The following TRANK1 variants were observed in gnomAD, a reference collection of about 807,000 sequenced individuals.
TRANK1 encodes the protein tetratricopeptide repeat and ankyrin repeat containing 1.
TRANK1 carries 198 observed loss-of-function variants against 266.0 expected under a neutral mutation model. The ratio of observed to expected loss-of-function variants is 0.74; its 90% CI spans 0.66 to 0.84. TRANK1 has a LOEUF of 0.84. Ranked by LOEUF, TRANK1 falls within the 40% of genes least tolerant of loss-of-function variation. The probability of loss-of-function intolerance (pLI) is 0.00; values close to 1 mark genes in which losing one functional copy is unlikely to be tolerated. For synonymous variants in TRANK1, 1,396 were observed against 1,384.1 expected, an observed-to-expected ratio of 1.01 and a Z score of -0.19; for missense variants, 3,326 against 3,634.6, an observed-to-expected ratio of 0.92 and a Z score of 2.18.
chr3:36,922,813 C>T (rs80220453), intron 1 of TRANK1, among the ~76,000 whole-genome samples: 1 of 151,920 alleles, frequency 6.6e-6, no homozygotes, highest in Non-Finnish European at 1.5e-5. Flanking sequence ...TTTAATTCCT[C>T]AATTCCTCAG....
intron 1 of TRANK1, among the ~76,000 whole-genome samples, chr3:36,913,852 GC>G (rs1449472513): frequency 3.3e-5 from 5 of 151,114 alleles, no homozygotes; most frequent in Admixed American, 2.0e-4. Context: ...CCCGACCAAA[GC>G]CCAGTAAAGT....
rs566816411 is a variant in TRANK1, at chr3:36,911,458, C to T, written c.24-3004G>A. 2.0e-5 allele frequency among the ~76,000 whole-genome samples: 3 copies of T among 151,440 alleles called. No homozygotes were observed. In the South Asian group the frequency reaches 6.3e-4, roughly 32 times the overall value. The stretch of plus-strand genomic sequence containing the variant: ...ACACAAGGTATTTCCATTGTATTTA[C>T]AAATACAAAAAAAAAACTCTTCATT... On this transcript the variant is annotated intron_variant, in intron 1 of 23. Coordinates refer to ENST00000645898, the MANE Select transcript of TRANK1 (RefSeq NM_001329998.2).
chr3:36,837,365 C>G (rs1177239352), intron 20 of TRANK1, among the ~76,000 whole-genome samples: 1 of 152,172 alleles, frequency 6.6e-6, no homozygotes, highest in Non-Finnish European at 1.5e-5. Context: ...TCCTCTTCTT[C>G]GCATTGACTT....
chr3:36,866,465 A>G (rs2079229466), intron 9 of TRANK1, among the ~76,000 whole-genome samples: 1 of 152,230 alleles, frequency 6.6e-6, no homozygotes, highest in Non-Finnish European at 1.5e-5. Context: ...GAGTGGGGGA[A>G]GCAGAGTAAG....
chr3:36,892,941 T>C lies in TRANK1; in HGVS notation c.596A>G (p.Asn199Ser), dbSNP rs1173452443. Residue 199 changes from asparagine to serine, a missense_variant, in exon 6 of 24, where the codon AAT (asparagine) becomes AGT (serine). Physicochemically the swap from Asn to Ser is conservative, Grantham distance 46. Coordinates refer to ENST00000645898, the MANE Select transcript of TRANK1 (RefSeq NM_001329998.2). Reference sequence around the variant, plus strand: ...CAGTGATAACTCTGGGACATGAATATTTCTTGGTAATCGGTCTTTTTTTGC... The same window carrying C: ...CAGTGATAACTCTGGGACATGAATACTTCTTGGTAATCGGTCTTTTTTTGC... ...LSAKKDRLPR[N>S]IHVPELSLKS... 1 of 1,515,152 alleles carries C rather than the reference T, an allele frequency of 6.6e-7. No individual in the cohort carries two copies. 93.9% of individuals were successfully genotyped at this position (1,515,152 alleles called of 1,614,324 possible).
chr3:36,829,326 C>T (rs2078665512), intron 23 of TRANK1, among the ~76,000 whole-genome samples: 1 of 152,196 alleles, frequency 6.6e-6, no homozygotes, highest in Non-Finnish European at 1.5e-5. Flanking sequence ...AGCTCATGAG[C>T]AGCAAGAGGT....
intron 1 of TRANK1, among the ~76,000 whole-genome samples, chr3:36,913,456 C>G (rs1441103991): frequency 7.4e-6 from 1 of 135,524 alleles, no homozygotes; most frequent in East Asian, 2.1e-4. Context: ...TGCTTTGTTT[C>G]TCTCCTCTCC....
intron 1 of TRANK1, among the ~76,000 whole-genome samples, chr3:36,911,141 A>G (rs1163784650): frequency 1.3e-5 from 2 of 152,212 alleles, no homozygotes; most frequent in East Asian, 1.9e-4. Context: ...ATACAGGCCT[A>G]TACGGTTGAA....
intron 1 of TRANK1, among the ~76,000 whole-genome samples, chr3:36,934,335 G>A (rs942695534): frequency 2.6e-5 from 4 of 152,186 alleles, no homozygotes; most frequent in Non-Finnish European, 5.9e-5. Flanking sequence ...GGCAGAAAGC[G>A]GGGCTCCTAC....
chr3:36,927,220 C>T (rs1051245694), intron 1 of TRANK1, among the ~76,000 whole-genome samples: 2 of 152,160 alleles, frequency 1.3e-5, no homozygotes, highest in Non-Finnish European at 2.9e-5. Context: ...GCCAACTCTA[C>T]GTCCCTGGTC....
At chr3:36,904,176 G>A (rs1045041583) in intron 2 of TRANK1, among the ~76,000 whole-genome samples, 4 of 151,670 alleles carry the variant, frequency 2.6e-5, no homozygotes, top group Admixed American at 6.6e-5. Context: ...GGATGGTCTC[G>A]AATTCCTGAC....
At chr3:36,923,795 A>C (rs2080251089) in intron 1 of TRANK1, among the ~76,000 whole-genome samples, 1 of 152,036 alleles carries the variant, frequency 6.6e-6, no homozygotes, top group Non-Finnish European at 1.5e-5. Context: ...GTGTGGAAGC[A>C]TCTGACGGCC....
chr3:36,905,422 G>C (rs777004062), intron 2 of TRANK1, among the ~76,000 whole-genome samples: 8 of 152,128 alleles, frequency 5.3e-5, no homozygotes, highest in Non-Finnish European at 1.2e-4. Context: ...GGAATAAGAA[G>C]AGACGCTGGA....
At chr3:36,838,793 T>C (rs2078805005) in intron 18 of TRANK1, 77 bp from the exon 19 acceptor site, 1 of 1,421,702 alleles carries the variant, frequency 7.0e-7, no homozygotes, top group Admixed American at 2.0e-5. Flanking sequence ...GCATGCATTA[T>C]AAGTTTGTAC....
intron 9 of TRANK1, among the ~76,000 whole-genome samples, chr3:36,870,271 G>A (rs924864961): frequency 1.3e-5 from 2 of 152,206 alleles, no homozygotes; most frequent in African/African-American, 4.8e-5. Context: ...GCCGGGCATG[G>A]TGATGCATGC....
At chr3:36,830,293 C>T (rs1367822946) in intron 22 of TRANK1, among the ~76,000 whole-genome samples, 4 of 150,306 alleles carry the variant, frequency 2.7e-5, no homozygotes, top group African/African-American at 9.8e-5. Context: ...CCAGCCTGGG[C>T]GACACAGTGA....
intron 21 of TRANK1, among the ~76,000 whole-genome samples, 171 bp from the exon 22 acceptor site, chr3:36,834,090 C>G (rs1279923545): frequency 6.6e-6 from 1 of 152,222 alleles, no homozygotes; most frequent in Non-Finnish European, 1.5e-5. Context: ...TTATTTTACA[C>G]TGTTACCAGT....
At chr3:36,866,113 A>AAAG (rs1491176154) in intron 9 of TRANK1, among the ~76,000 whole-genome samples, 1 of 151,774 alleles carries the variant, frequency 6.6e-6, no homozygotes, top group Non-Finnish European at 1.5e-5. Flanking sequence ...AGAAAGAAAG[A>AAAG]AAGAGTCACC....
chr3:36,857,550 C>A lies in TRANK1; in HGVS notation c.2172G>T (p.Arg724Ser). ...QVTRKEPGAL[R>S]PCSLRDCLMQ... ...TAAGGCAGTCTCTCAGCGAGCAGGG[C>A]CTGAGAGCTCCAGGCTCCTTCCTGG... The change falls in exon 13 of 24, where the codon AGG becomes AGT. Residue 724 changes from arginine to serine, a missense_variant. Transcript: ENST00000645898. This position sits in a 1 kb window ranked among gnomAD's most constrained non-coding sequence, Gnocchi z 4.3. 1.2e-6 allele frequency: 2 copies of A among 1,614,054 alleles called. No individual in the cohort carries two copies. The highest frequency in any genetic ancestry group is 8.5e-7 in the Non-Finnish European group (1 of 1,179,894).
Sources: allele counts gnomAD v4.1 joint callset (sites outside exome capture counted in the v4.1 genomes callset), GRCh38; gene constraint gnomAD v4.1.1; non-coding constraint Gnocchi (gnomAD v3.1); transcripts MANE v1.5; gene names NCBI Gene and HGNC (gene_info 2026-07-23, HGNC 2026-07-21).